BMP6: variants seen among roughly 807,000 people sequenced by gnomAD.
BMP6 encodes the protein bone morphogenetic protein 6, also known as VG-1-R.
A neutral mutation model predicts 54.1 loss-of-function variants in BMP6; 17 were observed. The observed-to-expected ratio is 0.31, with a 90% CI of 0.22 to 0.47. The LOEUF (loss-of-function observed/expected upper bound fraction) is 0.47, where lower values mean the gene tolerates loss of function less well. Ranked by LOEUF, BMP6 falls within the 20% of genes least tolerant of loss-of-function variation. The pLI, the probability that BMP6 is intolerant of heterozygous loss-of-function variation, is 1.00. For synonymous variants in BMP6, 328 were observed against 291.2 expected (o/e 1.13, Z -1.28); for missense variants, 720 against 690.4 (o/e 1.04, Z -0.48).
chr6:7,874,494 G>C (rs1014030476), intron 4 of BMP6, among the ~76,000 whole-genome samples: 1 of 152,170 alleles, frequency 6.6e-6, no homozygotes, highest in African/African-American at 2.4e-5. Context: ...GGTGGCTCAC[G>C]CCTGTAATCC....
intron 1 of BMP6, among the ~76,000 whole-genome samples, chr6:7,754,401 G>A (rs1313876352): frequency 2.0e-5 from 3 of 152,118 alleles, no homozygotes; most frequent in Admixed American, 6.5e-5. Context: ...GAGCCACCAC[G>A]CCCAGCCCAA....
At chr6:7,837,670 G>A (rs894654012) in intron 1 of BMP6, among the ~76,000 whole-genome samples, 5 of 152,290 alleles carry the variant, frequency 3.3e-5, no homozygotes, top group African/African-American at 1.2e-4. Context: ...AGGCATAAAA[G>A]ACCACATATT....
In BMP6 at chr6:7,856,595, A is replaced by ATTTTTTTTTT. The variant is rs70982115; in HGVS notation, c.858-4846_858-4837dup. Among the ~76,000 whole-genome samples, 251 of 83,034 alleles carry ATTTTTTTTTT rather than the reference A, an allele frequency of 3.0e-3. 36 individuals are homozygous for ATTTTTTTTTT. Among genetic ancestry groups the ATTTTTTTTTT allele is most frequent in the African/African-American group, 0.011 (220 of 19,150 alleles). 54.5% of individuals were successfully genotyped at this position (83,034 alleles called of 152,430 possible). A position where few individuals can be genotyped will look rare whatever the true frequency, so the allele number is the denominator to read the frequency against. ...ATATAAATGCCAGTTTATCAAGAGC[A>ATTTTTTTTTT]TTTTTTTTTTTTTTTTTTTGAGACG... On this transcript the variant is annotated intron_variant, in intron 2 of 6. Transcript: ENST00000283147.
intron 1 of BMP6, among the ~76,000 whole-genome samples, chr6:7,775,512 C>T (rs574509854): frequency 6.6e-6 from 1 of 152,354 alleles, no homozygotes; most frequent in South Asian, 2.1e-4. Context: ...ATCCATAATA[C>T]ATCCCTGTTT....
At chr6:7,789,176 G>C (rs1012923213) in intron 1 of BMP6, among the ~76,000 whole-genome samples, 1 of 152,162 alleles carries the variant, frequency 6.6e-6, no homozygotes, top group African/African-American at 2.4e-5. Flanking sequence ...CAGGGATTCT[G>C]TACCCCTAGC....
chr6:7,845,180 C>T lies in BMP6; in HGVS notation c.705C>T (p.His235=). 1 of 1,614,048 alleles carries T rather than the reference C, an allele frequency of 6.2e-7. No individual in the cohort carries two copies. Among genetic ancestry groups the T allele is most frequent in the South Asian group, 1.1e-5 (1 of 91,058 alleles). ...AGTTCTCCCCTCGTCAGCGACACCA[C>T]AAAGAGTTCAAGTTCAACTTATCCC... The part of the protein sequence containing the change: ...DKEFSPRQRH[H]KEFKFNLSQI... Residue 235 remains histidine, a synonymous_variant, in exon 2 of 7, where the codon CAC becomes CAT. Transcript: ENST00000283147.
rs1235452937 is a variant in BMP6, at chr6:7,837,899, G to A, written c.665-7241G>A. ...AAAGAAATAGGTTCAATATTTCTAT[G>A]TTTAAAGGAAAATGAGTAATTTAAA... On this transcript the variant is annotated intron_variant, in intron 1 of 6. Transcript: ENST00000283147. Among the ~76,000 whole-genome samples the A allele has an allele frequency of 2.0e-5, 3 of 152,306 alleles. No individual in the cohort carries two copies. In the East Asian group the frequency reaches 5.8e-4, roughly 29 times the overall value.
intron 1 of BMP6, among the ~76,000 whole-genome samples, chr6:7,798,555 C>G (rs903600162): frequency 6.6e-6 from 1 of 152,196 alleles, no homozygotes. Flanking sequence ...TCGTGTTCTA[C>G]CTGTTCCCAA....
chr6:7,843,516 G>T (rs1759012226), intron 1 of BMP6, among the ~76,000 whole-genome samples: 3 of 150,948 alleles, frequency 2.0e-5, no homozygotes, highest in Non-Finnish European at 4.4e-5. Context: ...ATGTGTAAGA[G>T]AAAGTGGGAA....
intron 1 of BMP6, among the ~76,000 whole-genome samples, chr6:7,800,791 T>C (rs1581253044): frequency 1.3e-5 from 2 of 152,102 alleles, no homozygotes; most frequent in Non-Finnish European, 2.9e-5. Context: ...TCATTAAAAC[T>C]TCATTAATTT....
chr6:7,859,266 C>T (rs933095531), intron 2 of BMP6, among the ~76,000 whole-genome samples: 1 of 152,120 alleles, frequency 6.6e-6, no homozygotes, highest in Non-Finnish European at 1.5e-5. Flanking sequence ...TATCACAGAC[C>T]CTGATCTTTA....
intron 2 of BMP6, among the ~76,000 whole-genome samples, chr6:7,860,507 CAGA>C (rs1759317116): frequency 6.6e-6 from 1 of 152,156 alleles, no homozygotes; most frequent in African/African-American, 2.4e-5. Context: ...TGCAGGTGAG[CAGA>C]AGGAGACCCT....
At chr6:7,831,415 T>C (rs148776369) in intron 1 of BMP6, among the ~76,000 whole-genome samples, 5 of 152,310 alleles carry the variant, frequency 3.3e-5, no homozygotes, top group African/African-American at 4.8e-5. Context: ...AAAACGCCAC[T>C]GAATTGTCCA....
At chr6:7,866,821 T>C (rs1759431467) in intron 4 of BMP6, among the ~76,000 whole-genome samples, 1 of 152,236 alleles carries the variant, frequency 6.6e-6, no homozygotes, top group Non-Finnish European at 1.5e-5. Flanking sequence ...ACACTGTCTG[T>C]CCTTTGGAAT....
At chr6:7,769,233 C>G (rs1757745516) in intron 1 of BMP6, among the ~76,000 whole-genome samples, 1 of 152,202 alleles carries the variant, frequency 6.6e-6, no homozygotes, top group Non-Finnish European at 1.5e-5. Flanking sequence ...CTACACCGAT[C>G]AGCTCTTCAG....
At chr6:7,790,542 A>AC (rs1168705838) in intron 1 of BMP6, among the ~76,000 whole-genome samples, 12 of 147,772 alleles carry the variant, frequency 8.1e-5, no homozygotes, top group African/African-American at 3.0e-4. Context: ...AAAAAAAAAA[A>AC]AAAAGACACA....
At chr6:7,759,266 G>C (rs551226597) in intron 1 of BMP6, among the ~76,000 whole-genome samples, 1 of 152,168 alleles carries the variant, frequency 6.6e-6, no homozygotes. Flanking sequence ...CCCCAGGAAG[G>C]TCATACATTG....
chr6:7,870,310 C>T (rs956229833), intron 4 of BMP6, among the ~76,000 whole-genome samples: 17 of 152,202 alleles, frequency 1.1e-4, no homozygotes, highest in African/African-American at 3.9e-4. Flanking sequence ...CACATGGTCC[C>T]GCCATCGGGA....
intron 1 of BMP6, among the ~76,000 whole-genome samples, chr6:7,747,016 C>G (rs1209437618): frequency 2.0e-5 from 3 of 152,210 alleles, no homozygotes; most frequent in African/African-American, 7.2e-5. Flanking sequence ...CGGTGACACA[C>G]TCTCCTCCTT....
Sources: allele counts gnomAD v4.1 joint callset (sites outside exome capture counted in the v4.1 genomes callset), GRCh38; gene constraint gnomAD v4.1.1; transcripts MANE v1.5; gene names NCBI Gene and HGNC (gene_info 2026-07-23, HGNC 2026-07-21).